The following RGSL1 variants were observed in gnomAD, a reference collection of about 807,000 sequenced individuals.
RGSL1 encodes the protein regulator of G protein signaling protein-like.
In RGSL1, 97 loss-of-function variants were observed where a neutral mutation model predicts 124.7. The ratio of observed to expected loss-of-function variants is 0.78; its 90% CI spans 0.66 to 0.92. RGSL1 has a LOEUF of 0.92. Among genes scored for constraint, RGSL1 ranks in the 40% least tolerant of loss-of-function variants. The pLI is 0.00. For missense variants in RGSL1, 1,233 were observed against 1,288.4 expected, an observed-to-expected ratio of 0.96 and a Z score of 0.66; for synonymous variants, 424 against 438.1, an observed-to-expected ratio of 0.97 and a Z score of 0.40.
intron 9 of RGSL1, among the ~76,000 whole-genome samples, chr1:182,496,477 G>C (rs1490226351): frequency 1.3e-5 from 2 of 152,132 alleles, no homozygotes; most frequent in African/African-American, 4.8e-5. Context: ...AGTATTTTGT[G>C]AACAGTGTAG....
chr1:182,530,722 G>T (rs1469794486), intron 12 of RGSL1, 68 bp from the exon 13 acceptor site: 2 of 1,450,394 alleles, frequency 1.4e-6, no homozygotes, highest in Admixed American at 3.0e-5. Flanking sequence ...AGGTAGGTTT[G>T]CCTGGACTGT....
At position 182,521,991 on chromosome 1, in the gene RGSL1, A is replaced by ATTTTTTT; in HGVS notation, c.1826-9_1826-3dup. Reference sequence around the variant, plus strand: ...TAATATAGTGTTCTCCAACTTAGTGATTTTTTTTTTAGATTTTAAAATGGA... The same window carrying ATTTTTTT: ...TAATATAGTGTTCTCCAACTTAGTGATTTTTTTTTTTTTTTTTAGATTTTAAAATGGA... On this transcript the variant is annotated splice_polypyrimidine_tract_variant and intron_variant, in intron 9 of 21. Coordinates refer to ENST00000294854, the MANE Select transcript of RGSL1 (RefSeq NM_001137669.2). 8.3e-7 allele frequency: 1 copy of ATTTTTTT among 1,203,730 alleles called. No homozygotes were observed. The highest frequency in any genetic ancestry group is 1.1e-6 in the Non-Finnish European group (1 of 876,992). 74.6% of individuals were successfully genotyped at this position (1,203,730 alleles called of 1,614,324 possible).
intron 7 of RGSL1, 175 bp downstream of exon 7, chr1:182,488,522 C>T: frequency 1.6e-6 from 1 of 641,074 alleles, no homozygotes; most frequent in South Asian, 1.9e-5. Context: ...AGGAAAAGGA[C>T]TCAGTGCATA....
At position 182,477,167 on chromosome 1, in the gene RGSL1, C is replaced by T. The variant is rs75108645; in HGVS notation, c.1431+2625C>T. Among the ~76,000 whole-genome samples the T allele has an allele frequency of 5.9e-5, 9 of 152,266 alleles. 1 individual carries two copies. Among genetic ancestry groups the T allele is most frequent in the South Asian group, 2.1e-4 (1 of 4,826 alleles). On this transcript the variant is annotated intron_variant, in intron 6 of 21. Coordinates refer to ENST00000294854, the MANE Select transcript of RGSL1 (RefSeq NM_001137669.2). ...GCACCACCCCAGTGGAGTTCAAGAC[C>T]AAGGAAAGCTGCTTTGAAAAAGCAG...
chr1:182,485,938 G>A (rs1377623522), intron 6 of RGSL1, among the ~76,000 whole-genome samples: 1 of 152,138 alleles, frequency 6.6e-6, no homozygotes, highest in Non-Finnish European at 1.5e-5. Context: ...ATACTACCAT[G>A]TCCTACAACT....
upstream of RGSL1, chr1:182,450,070 G>T: frequency 1.4e-6 from 2 of 1,416,114 alleles, no homozygotes; most frequent in South Asian, 1.2e-5. Context: ...ACCCCTTAGA[G>T]AAGGTGTCAT....
intron 11 of RGSL1, among the ~76,000 whole-genome samples, chr1:182,528,159 C>T (rs1658893302): frequency 6.6e-6 from 1 of 152,022 alleles, no homozygotes; most frequent in Admixed American, 6.6e-5. Flanking sequence ...GGGGAAGCCC[C>T]TTGTAAAATC....
intron 13 of RGSL1, among the ~76,000 whole-genome samples, chr1:182,531,720 C>T (rs1281199698): frequency 6.6e-6 from 1 of 152,066 alleles, no homozygotes; most frequent in Admixed American, 6.6e-5. Context: ...ATTACTGTAC[C>T]CAGAACCAGT....
intron 8 of RGSL1, among the ~76,000 whole-genome samples, chr1:182,490,854 A>G (rs967384067): frequency 4.6e-5 from 7 of 151,608 alleles, no homozygotes; most frequent in African/African-American, 1.7e-4. Context: ...CTTGAATCTC[A>G]GGTAGGTTGG....
chr1:182,452,475 CAG>C (rs1651926575), intron 1 of RGSL1, among the ~76,000 whole-genome samples: 1 of 149,332 alleles, frequency 6.7e-6, no homozygotes, highest in Admixed American at 6.7e-5. Flanking sequence ...TTTTTTGAGA[CAG>C]AGTCTCACTC....
chr1:182,495,636 C>T (rs1384256040), intron 9 of RGSL1, among the ~76,000 whole-genome samples: 1 of 152,182 alleles, frequency 6.6e-6, no homozygotes, highest in Non-Finnish European at 1.5e-5. Flanking sequence ...GGGGATTTTT[C>T]TCTCCCCATC....
At chr1:182,485,620 C>T (rs1193394658) in intron 6 of RGSL1, among the ~76,000 whole-genome samples, 1 of 152,018 alleles carries the variant, frequency 6.6e-6, no homozygotes, top group Non-Finnish European at 1.5e-5. Flanking sequence ...TCTGTCATCC[C>T]TTCTCTCATT....
chr1:182,482,493 A>C (rs1000165282), intron 6 of RGSL1, among the ~76,000 whole-genome samples: 1 of 152,264 alleles, frequency 6.6e-6, no homozygotes, highest in Non-Finnish European at 1.5e-5. Flanking sequence ...TGCAGATGAC[A>C]TGATCTTATA....
chr1:182,498,841 G>A (rs370108448), intron 9 of RGSL1, among the ~76,000 whole-genome samples: 15 of 146,408 alleles, frequency 1.0e-4, no homozygotes, highest in East Asian at 7.9e-4. Flanking sequence ...TGCCCAGCCC[G>A]GAGTGCAATG....
chr1:182,492,628 C>CTTTT (rs34513069), intron 8 of RGSL1, among the ~76,000 whole-genome samples: 1 of 141,770 alleles, frequency 7.1e-6, no homozygotes, highest in Non-Finnish European at 1.5e-5. Context: ...TTTAAATAAC[C>CTTTT]TTTTTTTTTT....
At chr1:182,500,474 G>T (rs538887904) in intron 9 of RGSL1, among the ~76,000 whole-genome samples, 1 of 151,980 alleles carries the variant, frequency 6.6e-6, no homozygotes, top group Non-Finnish European at 1.5e-5. Context: ...TTTCAAGGTC[G>T]TTTTTGCTAT....
At chr1:182,494,301 G>T (rs1655749597) in intron 9 of RGSL1, among the ~76,000 whole-genome samples, 1 of 152,150 alleles carries the variant, frequency 6.6e-6, no homozygotes, top group African/African-American at 2.4e-5. Flanking sequence ...GGCATAAGGA[G>T]CTTAATGCGA....
intron 9 of RGSL1, among the ~76,000 whole-genome samples, chr1:182,501,294 T>C (rs1348296026): frequency 2.1e-5 from 3 of 142,884 alleles, no homozygotes; most frequent in South Asian, 2.1e-4. Flanking sequence ...TCTTTTCTTT[T>C]CTTTTTTCTT....
Position 182,472,440 on chromosome 1 carries a change from A to G in RGSL1, c.346A>G (p.Ser116Gly). 6.4e-7 allele frequency: 1 copy of G among 1,551,020 alleles called. No homozygotes were observed. Among genetic ancestry groups the G allele is most frequent in the Non-Finnish European group, 8.7e-7 (1 of 1,146,556 alleles). ...CTGGATCCTTGCTGAGAACATCCTG[A>G]GCATAGATGAGATGGACCTGGAAGT... The part of the protein sequence containing the change: ...DFWILAENIL[S>G]IDEMDLEVRD... The change falls in exon 5 of 22, where the codon AGC becomes GGC. Residue 116 changes from serine to glycine, a missense_variant. By Grantham distance (56) the Ser-to-Gly change is moderately conservative (BLOSUM62 0). Coordinates refer to ENST00000294854, the MANE Select transcript of RGSL1 (RefSeq NM_001137669.2).
Sources: gnomAD v4.1 joint callset for allele counts (sites outside exome capture counted in the v4.1 genomes callset) on GRCh38, gnomAD v4.1.1 for gene constraint, MANE v1.5 for transcripts, NCBI Gene and HGNC (gene_info 2026-07-23, HGNC 2026-07-21) for gene names.